Variants in CCDC170 observed in about 807,000 individuals in gnomAD.
CCDC170 encodes the protein coiled-coil domain containing 170.
Under a neutral mutation model 72.6 loss-of-function variants are expected in CCDC170, and 69 were observed. That is an observed-to-expected ratio of 0.95 (90% CI 0.78 to 1.16). The LOEUF (loss-of-function observed/expected upper bound fraction) is 1.16, where lower values mean the gene tolerates loss of function less well. Ranked by LOEUF, CCDC170 falls within the 50% of genes most tolerant of loss-of-function variation. The probability of loss-of-function intolerance (pLI) is 0.00; values close to 1 mark genes in which losing one functional copy is unlikely to be tolerated. For missense variants in CCDC170, 852 were observed against 832.5 expected (o/e 1.02, Z -0.29); for synonymous variants, 300 against 303.9 (o/e 0.99, Z 0.13).
Position 151,538,183 on chromosome 6 carries a change from G to C in CCDC170, c.325G>C (p.Glu109Gln). ...TTTGAGAGACAGAGTTCAGGAACTA[G>C]AAGAAGAATCAGCAGCACTTTCCAC... ...TSLRDRVQEL[E>Q]EESAALSTSK... Residue 109 changes from glutamate (E) to glutamine (Q), a missense_variant, in exon 3 of 11, where the codon GAA becomes CAA. Glu to Gln is a conservative substitution (Grantham distance 29, BLOSUM62 2). Transcript: ENST00000239374. The C allele has an allele frequency of 6.2e-7, 1 of 1,613,962 alleles. No homozygotes were observed. Among genetic ancestry groups the C allele is most frequent in the Non-Finnish European group, 8.5e-7 (1 of 1,179,928 alleles).
chr6:151,579,890 T>C (rs1776357280), intron 6 of CCDC170, among the ~76,000 whole-genome samples: 2 of 152,230 alleles, frequency 1.3e-5, no homozygotes, highest in African/African-American at 2.4e-5. Flanking sequence ...TGAGTCTTCA[T>C]AGCAAAGTCT....
chr6:151,568,306 G>A (rs552576207), intron 5 of CCDC170, among the ~76,000 whole-genome samples: 39 of 152,196 alleles, frequency 2.6e-4, no homozygotes, highest in African/African-American at 9.2e-4. Flanking sequence ...CTGTATTAAA[G>A]TTTGAATCAC....
chr6:151,521,159 TC>T (rs1198241357), intron 1 of CCDC170, among the ~76,000 whole-genome samples: 2 of 152,106 alleles, frequency 1.3e-5, no homozygotes, highest in East Asian at 1.9e-4. Context: ...CTTCTTACCC[TC>T]CCCAGCTGCC....
chr6:151,587,468 A>G (rs960591149), intron 7 of CCDC170, among the ~76,000 whole-genome samples: 4 of 152,130 alleles, frequency 2.6e-5, no homozygotes, highest in African/African-American at 9.7e-5. Flanking sequence ...AAGAGTCTGC[A>G]GGAGGGAGTG....
intron 8 of CCDC170, among the ~76,000 whole-genome samples, chr6:151,594,407 A>G (rs1776589776): frequency 6.6e-6 from 1 of 152,210 alleles, no homozygotes. Context: ...AATATGCTGT[A>G]TTCATGTTTG....
intron 7 of CCDC170, among the ~76,000 whole-genome samples, chr6:151,591,412 T>G (rs1776532236): frequency 6.6e-6 from 1 of 152,184 alleles, no homozygotes. Context: ...GCTTTCTAAC[T>G]GTAGACTGCT....
rs1465088558 is a variant in CCDC170 at position 151,615,699 on chromosome 6, T to G, written c.1947+20T>G. On this transcript the variant is annotated intron_variant, in intron 10 of 10. Transcript: ENST00000239374. ...AAGCAGGTGGGTCTAAATCTGGTGA[T>G]GAAACCTTGTTTAGGAAATGACAGG... 3.9e-6 allele frequency: 6 copies of G among 1,519,110 alleles called. No individual in the cohort carries two copies. Among genetic ancestry groups the G allele is most frequent in the Non-Finnish European group, 5.5e-6 (6 of 1,097,796 alleles). 94.1% of individuals were successfully genotyped at this position (1,519,110 alleles called of 1,614,324 possible).
At chr6:151,537,551 A>C (rs895598704) in intron 2 of CCDC170, among the ~76,000 whole-genome samples, 1 of 152,110 alleles carries the variant, frequency 6.6e-6, no homozygotes, top group Non-Finnish European at 1.5e-5. Context: ...TTTTTCCCAG[A>C]AATTTAAATG....
intron 4 of CCDC170, among the ~76,000 whole-genome samples, chr6:151,547,317 AGG>A (rs1782791657): frequency 3.3e-5 from 5 of 152,206 alleles, no homozygotes; most frequent in Non-Finnish European, 7.3e-5. Context: ...TCAAAGGGTA[AGG>A]ATAGTGAAGA....
intron 7 of CCDC170, among the ~76,000 whole-genome samples, chr6:151,588,707 GAGGC>G (rs1185414153): frequency 1.3e-5 from 2 of 152,190 alleles, no homozygotes; most frequent in Admixed American, 1.3e-4. Context: ...TTGGGATGTT[GAGGC>G]AGGTGGATCG....
Position 151,612,338 on chromosome 6 carries a change from C to T in CCDC170, c.1711-3105C>T, listed in dbSNP as rs188760306. On this transcript the variant is annotated intron_variant, in intron 9 of 10. Coordinates refer to ENST00000239374, the MANE Select transcript of CCDC170 (RefSeq NM_025059.4). ...GACAGTAGTCTCCACATGTCATCAA[C>T]GTAAGTCATAGTCATCTCAAAGCCC... Among the ~76,000 whole-genome samples the T allele has an allele frequency of 3.3e-3, 499 of 152,290 alleles. 1 individual carries two copies. Among genetic ancestry groups the T allele is most frequent in the African/African-American group, 0.011 (475 of 41,566 alleles).
intron 8 of CCDC170, among the ~76,000 whole-genome samples, chr6:151,595,952 A>T (rs150348914): frequency 6.6e-6 from 1 of 152,302 alleles, no homozygotes; most frequent in African/African-American, 2.4e-5. Context: ...GCCAGTGCAG[A>T]TATTGTGGCC....
chr6:151,555,170 C>T (rs1382464054), intron 5 of CCDC170, among the ~76,000 whole-genome samples: 1 of 151,956 alleles, frequency 6.6e-6, no homozygotes, highest in East Asian at 1.9e-4. Context: ...ATGTGAGCCA[C>T]CGTGCCCAGC....
chr6:151,498,336 T>A (rs897234116), intron 1 of CCDC170, among the ~76,000 whole-genome samples: 3 of 152,248 alleles, frequency 2.0e-5, no homozygotes, highest in East Asian at 1.9e-4. Context: ...CATAGCTAAC[T>A]ATAAAGGAGT....
At chr6:151,543,015 T>C (rs773608759) in intron 3 of CCDC170, among the ~76,000 whole-genome samples, 1 of 151,992 alleles carries the variant, frequency 6.6e-6, no homozygotes, top group Non-Finnish European at 1.5e-5. Context: ...AATCTTTGAA[T>C]AGCGTGAAGG....
intron 5 of CCDC170, among the ~76,000 whole-genome samples, chr6:151,550,169 G>A (rs1458825190): frequency 6.6e-6 from 1 of 152,112 alleles, no homozygotes; most frequent in Non-Finnish European, 1.5e-5. Flanking sequence ...AATTTATTAT[G>A]GGATTAATAA....
chr6:151,521,308 T>C (rs1285177631), intron 1 of CCDC170, among the ~76,000 whole-genome samples: 1 of 152,192 alleles, frequency 6.6e-6, no homozygotes, highest in African/African-American at 2.4e-5. Flanking sequence ...GACACTCTTG[T>C]TATCCTTCTG....
intron 1 of CCDC170, among the ~76,000 whole-genome samples, chr6:151,519,759 T>C (rs1410297824): frequency 1.7e-4 from 26 of 152,198 alleles, no homozygotes; most frequent in Admixed American, 1.6e-3. Flanking sequence ...ACCGGAGGGT[T>C]TGTCTTCTTT....
At chr6:151,507,851 T>A (rs963958798) in intron 1 of CCDC170, among the ~76,000 whole-genome samples, 2 of 148,442 alleles carry the variant, frequency 1.3e-5, no homozygotes, top group South Asian at 2.2e-4. Context: ...AACCAGGGAG[T>A]CGGAGGTTGC....
Sources: allele counts gnomAD v4.1 joint callset (sites outside exome capture counted in the v4.1 genomes callset), GRCh38; gene constraint gnomAD v4.1.1; transcripts MANE v1.5; gene names NCBI Gene and HGNC (gene_info 2026-07-23, HGNC 2026-07-21).